The following RALYL variants were observed in gnomAD, a reference collection of about 807,000 sequenced individuals.
The protein encoded by RALYL is RNA-binding Raly-like protein.
A neutral mutation model predicts 35.1 loss-of-function variants in RALYL; 29 were observed. The observed-to-expected ratio is 0.83, with a 90% CI of 0.61 to 1.13. The LOEUF (loss-of-function observed/expected upper bound fraction) is 1.13. Ranked by LOEUF, RALYL falls within the 50% of genes most tolerant of loss-of-function variation. The pLI is 0.00. For synonymous variants in RALYL, 120 were observed against 127.6 expected (o/e 0.94, Z 0.40); for missense variants, 359 against 360.4 (o/e 1.00, Z 0.03).
At chr8:84,329,809 A>C (rs1380720062) in intron 1 of RALYL, among the ~76,000 whole-genome samples, 1 of 152,090 alleles carries the variant, frequency 6.6e-6, no homozygotes, top group Non-Finnish European at 1.5e-5. Context: ...TGACAGCCAT[A>C]CTATAGAACT....
chr8:84,835,348 T>C (rs968112317), intron 4 of RALYL, among the ~76,000 whole-genome samples: 6 of 151,770 alleles, frequency 4.0e-5, no homozygotes, highest in Non-Finnish European at 7.4e-5. Context: ...TGGGGGAAGA[T>C]GTGGAGCTTG....
intron 2 of RALYL, among the ~76,000 whole-genome samples, chr8:84,702,516 CAT>C (rs1252839212): frequency 6.8e-6 from 1 of 146,358 alleles, no homozygotes; most frequent in African/African-American, 2.6e-5. Context: ...GGGCTAGTTG[CAT>C]AGTCTCTCTC....
intron 1 of RALYL, among the ~76,000 whole-genome samples, chr8:84,438,077 A>G (rs948638964): frequency 2.0e-5 from 3 of 152,060 alleles, no homozygotes; most frequent in Non-Finnish European, 4.4e-5. Context: ...GTATCTGTTC[A>G]TGTCTTTTGC....
At chr8:84,853,960 G>A (rs1356916447) in intron 5 of RALYL, among the ~76,000 whole-genome samples, 5 of 152,132 alleles carry the variant, frequency 3.3e-5, no homozygotes, top group Admixed American at 1.3e-4. Context: ...ATCATTCTAA[G>A]AATTAAATGA....
chr8:84,344,524 G>T (rs79540964), intron 1 of RALYL, among the ~76,000 whole-genome samples: 6,873 of 152,012 alleles, frequency 0.045, 249 homozygotes, highest in Non-Finnish European at 0.06. Context: ...TATTCTGGGG[G>T]TGTGTTTGTT....
intron 1 of RALYL, among the ~76,000 whole-genome samples, chr8:84,199,439 A>C (rs1461977579): frequency 1.3e-5 from 2 of 152,078 alleles, no homozygotes; most frequent in African/African-American, 4.8e-5. Flanking sequence ...CTTCCAATCT[A>C]TGAGTTGTCT....
chr8:84,326,411 G>C (rs1453952216), intron 1 of RALYL, among the ~76,000 whole-genome samples: 1 of 152,122 alleles, frequency 6.6e-6, no homozygotes, highest in African/African-American at 2.4e-5. Flanking sequence ...TGCTTCTCTA[G>C]GAGATAAAAT....
At chr8:84,269,246 T>C (rs1833864190) in intron 1 of RALYL, among the ~76,000 whole-genome samples, 2 of 152,198 alleles carry the variant, frequency 1.3e-5, no homozygotes, top group South Asian at 4.1e-4. Flanking sequence ...GAATATAGAT[T>C]AAATTACCAA....
At chr8:84,197,564 T>C (rs1815633706) in intron 1 of RALYL, among the ~76,000 whole-genome samples, 1 of 152,166 alleles carries the variant, frequency 6.6e-6, no homozygotes, top group Non-Finnish European at 1.5e-5. Flanking sequence ...CTCCAAACCA[T>C]TGCTTTATTT....
At chr8:84,728,610 G>T (rs1236917248) in intron 2 of RALYL, among the ~76,000 whole-genome samples, 1 of 152,052 alleles carries the variant, frequency 6.6e-6, no homozygotes, top group Non-Finnish European at 1.5e-5. Context: ...GGTTTTAGGT[G>T]TGAGGTTTAA....
At chr8:84,311,090 A>AAAAAAAAAAAAAAAAAAAAT (rs1554614840) in intron 1 of RALYL, among the ~76,000 whole-genome samples, 8 of 99,720 alleles carry the variant, frequency 8.0e-5, no homozygotes, top group African/African-American at 1.4e-4. Flanking sequence ...AAAAAAAAAA[A>AAAAAAAAAAAAAAAAAAAAT]ATGTATATTA....
At chr8:84,878,284 A>G (rs1841545772) in intron 7 of RALYL, among the ~76,000 whole-genome samples, 1 of 152,138 alleles carries the variant, frequency 6.6e-6, no homozygotes, top group Admixed American at 6.6e-5. Context: ...TAATTACTGT[A>G]GAAATGCCCA....
At chr8:84,496,165 A>G (rs1386389127) in intron 1 of RALYL, among the ~76,000 whole-genome samples, 2 of 152,130 alleles carry the variant, frequency 1.3e-5, no homozygotes, top group Non-Finnish European at 2.9e-5. Context: ...GCAGCAAAAA[A>G]AGAACTCCAC....
At chr8:84,359,188 G>T (rs886731576) in intron 1 of RALYL, among the ~76,000 whole-genome samples, 4 of 151,114 alleles carry the variant, frequency 2.6e-5, no homozygotes, top group Admixed American at 6.6e-5. Flanking sequence ...TGGGAACAGG[G>T]TGGGGGTTTG....
intron 7 of RALYL, among the ~76,000 whole-genome samples, chr8:84,873,879 A>T (rs1005328512): frequency 6.6e-6 from 1 of 152,144 alleles, no homozygotes; most frequent in African/African-American, 2.4e-5. Flanking sequence ...GACTAAGACC[A>T]TGCACCTGGC....
chr8:84,360,876 G>A (rs1351882484), intron 1 of RALYL, among the ~76,000 whole-genome samples: 1 of 151,566 alleles, frequency 6.6e-6, no homozygotes, highest in African/African-American at 2.4e-5. Context: ...GTTCTTCAGG[G>A]AGTCAGGTTT....
chr8:84,876,356 A>G (rs1451861763), intron 7 of RALYL, among the ~76,000 whole-genome samples: 4 of 152,212 alleles, frequency 2.6e-5, no homozygotes, highest in Non-Finnish European at 5.9e-5. Context: ...TTTCCATTAC[A>G]TCACACAACT....
intron 2 of RALYL, chr8:84,705,995 A>G (rs990269999): frequency 6.5e-7 from 1 of 1,534,914 alleles, no homozygotes; most frequent in Admixed American, 2.0e-5. Flanking sequence ...CAAATCAATT[A>G]CTTCTTAGAA....
chr8:84,480,481 T>C (rs972067980), intron 1 of RALYL, among the ~76,000 whole-genome samples: 3 of 152,168 alleles, frequency 2.0e-5, no homozygotes, highest in Non-Finnish European at 4.4e-5. Context: ...GTGTTTTTGG[T>C]TTTGTAATTA....
Sources: allele counts gnomAD v4.1 joint callset (sites outside exome capture counted in the v4.1 genomes callset), GRCh38; gene constraint gnomAD v4.1.1; transcripts MANE v1.5; gene names NCBI Gene and HGNC (gene_info 2026-07-23, HGNC 2026-07-21).